LRIF1: variants seen among roughly 807,000 people sequenced by gnomAD.
LRIF1 encodes ligand-dependent nuclear receptor-interacting factor 1.
A neutral mutation model predicts 52.7 loss-of-function variants in LRIF1; 32 were observed. That is an observed-to-expected ratio of 0.61 (90% CI 0.46 to 0.82). The LOEUF is 0.82. Among genes scored for constraint, LRIF1 ranks in the 40% least tolerant of loss-of-function variants. The pLI is 0.00. For missense variants in LRIF1, 887 were observed against 892.0 expected (o/e 0.99, Z 0.07); for synonymous variants, 323 against 317.4 (o/e 1.02, Z -0.19).
chr1:110,949,858 C>T lies in LRIF1; in HGVS notation c.1862G>A (p.Arg621Lys). 2 of 1,613,150 alleles carry T rather than the reference C, an allele frequency of 1.2e-6. No homozygotes were observed. The highest frequency in any genetic ancestry group is 1.7e-6 in the Non-Finnish European group (2 of 1,179,468). The change falls in exon 3 of 4, where the codon AGA (arginine) becomes AAA (lysine). Residue 621 changes from arginine to lysine, a missense_variant. Transcript: ENST00000369763. ...ETEFMVKEGE[R>K]KQQNFDKKRK... Reference sequence around the variant, plus strand: ...TTAAAATGTATTACCTACCTGTTTTCTCTCTCCTTCCTTCACCATAAACTC... The same window carrying T: ...TTAAAATGTATTACCTACCTGTTTTTTCTCTCCTTCCTTCACCATAAACTC...
chr1:110,960,527 CTTA>C (rs796975311), intron 1 of LRIF1, among the ~76,000 whole-genome samples: 25 of 152,244 alleles, frequency 1.6e-4, no homozygotes, highest in African/African-American at 5.8e-4. Flanking sequence ...TGTCTTAATT[CTTA>C]TTATTGTAGG....
At chr1:110,880,800 A>C in the LRIF1 span, among the ~76,000 whole-genome samples, 1 of 152,142 alleles carries the variant, frequency 6.6e-6, no homozygotes, top group East Asian at 1.9e-4. Flanking sequence ...CACTTATAAA[A>C]CAAAATGGTT....
At position 110,951,560 on chromosome 1, in the gene LRIF1, C is replaced by A; in HGVS notation, c.1324G>T (p.Ala442Ser). 11 of 1,614,084 alleles carry A rather than the reference C, an allele frequency of 6.8e-6. No individual in the cohort carries two copies. Among genetic ancestry groups the A allele is most frequent in the Non-Finnish European group, 8.5e-6 (10 of 1,180,006 alleles). ...GGTTTCTCCACTTTATTCTTCTCTG[C>A]CCTTAGATTGGCCATGGAAGCAAGC... The part of the protein sequence containing the change: ...TQLASMANLR[A>S]EKNKVEKPSP... The change falls in exon 2 of 4, where the codon GCA (alanine) becomes TCA (serine). Residue 442 changes from alanine to serine, a missense_variant. Ala to Ser is a moderately conservative substitution (Grantham distance 99, BLOSUM62 1). Transcript: ENST00000369763.
chr1:110,923,075 C>A, the LRIF1 span, among the ~76,000 whole-genome samples: 13 of 152,110 alleles, frequency 8.5e-5, no homozygotes, highest in Admixed American at 8.5e-4. Context: ...GAGGCTGAGG[C>A]GGGCGGATTG....
chr1:110,901,397 C>G, the LRIF1 span, among the ~76,000 whole-genome samples: 1 of 151,344 alleles, frequency 6.6e-6, no homozygotes, highest in Non-Finnish European at 1.5e-5. Context: ...AGGCTGGTCC[C>G]GAACTCCTGA....
At chr1:110,875,094 G>C in the LRIF1 span, among the ~76,000 whole-genome samples, 1 of 152,152 alleles carries the variant, frequency 6.6e-6, no homozygotes, top group Admixed American at 6.5e-5. Flanking sequence ...TGCCTAGAGA[G>C]GTGACTGGTG....
At chr1:110,914,716 G>T in the LRIF1 span, among the ~76,000 whole-genome samples, 3 of 152,062 alleles carry the variant, frequency 2.0e-5, no homozygotes, top group Admixed American at 6.6e-5. Flanking sequence ...TCACACCATT[G>T]CACTCCAGCC....
rs1473896537 is a variant in LRIF1, at chr1:110,952,417, G to T, written c.467C>A (p.Thr156Lys). Reference protein sequence around the residue: ...TMQTFAVPPSTQKDSSFIVVN... With the variant: ...TMQTFAVPPSKQKDSSFIVVN... The stretch of plus-strand genomic sequence containing the variant: ...TACAATAAAAGATGAGTCTTTTTGT[G>T]TTGAGGGAGGAACAGCAAATGTTTG... The change falls in exon 2 of 4, where the codon ACA (threonine) becomes AAA (lysine). Residue 156 changes from threonine (T) to lysine (K), a missense_variant. By Grantham distance (78) the Thr-to-Lys change is moderately conservative. Transcript: ENST00000369763. 6.2e-7 allele frequency: 1 copy of T among 1,612,634 alleles called. No individual in the cohort carries two copies. The highest frequency in any genetic ancestry group is 1.3e-5 in the African/African-American group (1 of 75,042).
chr1:110,945,199 G>A (rs1474928493), downstream of LRIF1: 2 of 151,862 alleles, frequency 1.3e-5, no homozygotes, highest in Admixed American at 6.6e-5. Flanking sequence ...TTTAAAAGCA[G>A]GATTCAGAAT....
At chr1:110,892,414 C>T in the LRIF1 span, 1 of 1,613,878 alleles carries the variant, frequency 6.2e-7, no homozygotes, top group Non-Finnish European at 8.5e-7. Context: ...AGTGCTCTTC[C>T]ATAACCTCCC....
the LRIF1 span, among the ~76,000 whole-genome samples, chr1:110,935,763 G>C: frequency 7.9e-5 from 12 of 152,020 alleles, no homozygotes; most frequent in Admixed American, 1.3e-4. Flanking sequence ...TAGAGAGAGA[G>C]AGAACTAGAA....
chr1:110,949,108 G>A (rs193048425), intron 3 of LRIF1, among the ~76,000 whole-genome samples: 6 of 151,698 alleles, frequency 4.0e-5, no homozygotes, highest in East Asian at 3.9e-4. Context: ...TGGGGTGGGC[G>A]GTGTTTATAT....
At chr1:110,902,517 A>AAAAAAAAAAAAAGAAAAAAAAAAAAAAG in the LRIF1 span, among the ~76,000 whole-genome samples, 1 of 104,696 alleles carries the variant, frequency 9.6e-6, no homozygotes, top group Non-Finnish European at 2.1e-5. Context: ...AAAAAAAAAA[A>AAAAAAAAAAAAAGAAAAAAAAAAAAAAG]AAAGAAATAC....
In LRIF1 at chr1:110,961,966, A is replaced by G. The variant is rs1030906639; in HGVS notation, c.68+1655T>C. ...AATAAAAACAATGCATAAATCAATGAGTTAATGAACTCAAAATGACTTATG... is the reference window on the plus strand; with the variant it reads ...AATAAAAACAATGCATAAATCAATGGGTTAATGAACTCAAAATGACTTATG... On this transcript the variant is annotated intron_variant, in intron 1 of 3. Transcript: ENST00000369763. Among the ~76,000 whole-genome samples the G allele has an allele frequency of 2.6e-5, 4 of 152,052 alleles. 1 individual carries two copies. Among genetic ancestry groups the G allele is most frequent in the African/African-American group, 9.7e-5 (4 of 41,410 alleles).
At chr1:110,934,387 C>T in the LRIF1 span, among the ~76,000 whole-genome samples, 1 of 152,178 alleles carries the variant, frequency 6.6e-6, no homozygotes. Flanking sequence ...ACCAAGCATG[C>T]TCTTGGGTTC....
chr1:110,927,896 GAAA>G, the LRIF1 span, among the ~76,000 whole-genome samples: 1 of 152,174 alleles, frequency 6.6e-6, no homozygotes, highest in East Asian at 1.9e-4. Flanking sequence ...TATTTAAAAA[GAAA>G]AGGTGAGTAT....
chr1:110,962,373 G>C (rs1658998095), intron 1 of LRIF1, among the ~76,000 whole-genome samples: 1 of 151,812 alleles, frequency 6.6e-6, no homozygotes, highest in African/African-American at 2.4e-5. Context: ...AAATACAATG[G>C]TTCTATCTTG....
At chr1:110,907,743 A>C in the LRIF1 span, among the ~76,000 whole-genome samples, 53 of 152,280 alleles carry the variant, frequency 3.5e-4, no homozygotes, top group African/African-American at 1.2e-3. Context: ...CACACACACA[A>C]AAAAAGTTTT....
At chr1:110,900,961 T>C in the LRIF1 span, among the ~76,000 whole-genome samples, 43 of 152,090 alleles carry the variant, frequency 2.8e-4, no homozygotes, top group Admixed American at 2.0e-4. Context: ...CCATATCTAA[T>C]AGGGAGCCAA....
Sources: allele counts gnomAD v4.1 joint callset (sites outside exome capture counted in the v4.1 genomes callset), GRCh38; gene constraint gnomAD v4.1.1; transcripts MANE v1.5; gene names NCBI Gene and HGNC (gene_info 2026-07-23, HGNC 2026-07-21).